Variants in ZNF44 observed in about 807,000 individuals in gnomAD.
ZNF44 encodes gonadotropin inducible transcription repressor-2.
In ZNF44, 9 loss-of-function variants were observed where a neutral mutation model predicts 11.7. The ratio of observed to expected loss-of-function variants is 0.77; its 90% CI spans 0.46 to 1.35. The LOEUF is 1.35. Among genes scored for constraint, ZNF44 ranks in the 40% most tolerant of loss-of-function variants. The probability of loss-of-function intolerance (pLI) is 0.00; values close to 1 mark genes in which losing one functional copy is unlikely to be tolerated. For synonymous variants in ZNF44, 224 were observed against 242.7 expected (o/e 0.92, Z 0.72); for missense variants, 696 against 743.1 (o/e 0.94, Z 0.74).
downstream of ZNF44, among the ~76,000 whole-genome samples, chr19:12,268,740 A>ATTT (rs34705958): frequency 7.3e-6 from 1 of 137,546 alleles, no homozygotes; most frequent in Non-Finnish European, 1.6e-5. Flanking sequence ...TGCCTGGCTA[A>ATTT]TTTTTTTTTT....
chr19:12,239,088 C>T (rs17467356), upstream of ZNF44, among the ~76,000 whole-genome samples: 1,533 of 152,260 alleles, frequency 0.01, 15 homozygotes, highest in Middle Eastern at 0.017. Context: ...CAGAAGACAA[C>T]CCAAACAAGT....
intron 5 of ZNF44, among the ~76,000 whole-genome samples, chr19:12,255,985 C>T (rs1021589483): frequency 1.5e-5 from 2 of 135,696 alleles, no homozygotes; most frequent in East Asian, 4.3e-4. Context: ...TGCAGTGAGC[C>T]GAGATCACAC....
chr19:12,227,064 AAAAC>A (rs1253252222), intron 3 of ZNF44, among the ~76,000 whole-genome samples: 3 of 152,180 alleles, frequency 2.0e-5, no homozygotes, highest in Admixed American at 2.0e-4. Context: ...CTCTGTCTTA[AAAAC>A]AAACAAACAA....
chr19:12,251,062 T>C (rs1023434744), intron 5 of ZNF44, among the ~76,000 whole-genome samples: 2 of 151,880 alleles, frequency 1.3e-5, no homozygotes, highest in African/African-American at 4.8e-5. Context: ...CCTGTCTTGG[T>C]GGCTCACACC....
At chr19:12,225,673 A>C (rs1915884652), downstream of ZNF44, among the ~76,000 whole-genome samples, 1 of 152,204 alleles carries the variant, frequency 6.6e-6, no homozygotes, top group South Asian at 2.1e-4. Context: ...CAAATAGTAG[A>C]GTGAGTAAAG....
intron 5 of ZNF44, among the ~76,000 whole-genome samples, chr19:12,251,490 A>G (rs1207825543): frequency 6.6e-6 from 1 of 152,008 alleles, no homozygotes; most frequent in Non-Finnish European, 1.5e-5. Flanking sequence ...CATTTTCACT[A>G]TTTGTGTTAA....
intron 2 of ZNF44, among the ~76,000 whole-genome samples, chr19:12,275,751 T>C (rs530155636): frequency 6.6e-6 from 1 of 152,372 alleles, no homozygotes; most frequent in South Asian, 2.1e-4. Context: ...ATATGACTGA[T>C]AAGGCTGCTG....
intron 1 of ZNF44, among the ~76,000 whole-genome samples, chr19:12,294,108 T>C (rs2145779232): frequency 6.6e-6 from 1 of 152,214 alleles, no homozygotes; most frequent in South Asian, 2.1e-4. Flanking sequence ...AAGTTCTTTC[T>C]CAGATCTTGA....
chr19:12,240,543 C>A (rs1261161044), upstream of ZNF44, among the ~76,000 whole-genome samples: 1 of 151,770 alleles, frequency 6.6e-6, no homozygotes, highest in Non-Finnish European at 1.5e-5. Flanking sequence ...CAAAGACTCA[C>A]GCTTCCTGAT....
Position 12,274,079 on chromosome 19 carries a change from A to G in ZNF44, c.192-16T>C. 1 of 1,573,814 alleles carries G rather than the reference A, an allele frequency of 6.4e-7. No individual in the cohort carries two copies. The highest frequency in any genetic ancestry group is 8.6e-7 in the Non-Finnish European group (1 of 1,158,104). ...CACATCACACCTGTAAAAAATGAAA[A>G]GTACATTACTAAAGGTTTATTATTG... is the stretch of plus-strand genomic sequence containing the variant. On this transcript the variant is annotated splice_polypyrimidine_tract_variant and intron_variant, in intron 3 of 3. Coordinates refer to ENST00000355684, the MANE Select transcript of ZNF44 (RefSeq NM_016264.4).
downstream of ZNF44, chr19:12,247,251 A>T: frequency 1.7e-6 from 2 of 1,167,886 alleles, no homozygotes; most frequent in Non-Finnish European, 2.2e-6. Flanking sequence ...AAATTGAAAA[A>T]CTTTCGATAT....
intron 1 of ZNF44, 136 bp from the exon 2 acceptor site, chr19:12,276,218 C>A: frequency 2.2e-6 from 3 of 1,349,474 alleles, no homozygotes; most frequent in Non-Finnish European, 3.1e-6. Context: ...CACTCTTATT[C>A]TGTGTCTGCA....
chr19:12,248,359 A>G (rs1045576688), exon 8 of ZNF44: 3 of 1,292,060 alleles, frequency 2.3e-6, no homozygotes, highest in Middle Eastern at 2.1e-4. Flanking sequence ...CAGGCCTTAC[A>G]TTTGTAGACT....
At chr19:12,225,762 G>A (rs185288670), downstream of ZNF44, among the ~76,000 whole-genome samples, 63 of 152,282 alleles carry the variant, frequency 4.1e-4, no homozygotes, top group Admixed American at 9.2e-4. Flanking sequence ...AGGTAGGAAC[G>A]ATAAAAGTAT....
At position 12,273,569 on chromosome 19, in the gene ZNF44, T is replaced by C. The variant is rs375147934; in HGVS notation, c.686A>G (p.Gln229Arg). The C allele has an allele frequency of 2.7e-5, 44 of 1,614,038 alleles. No individual in the cohort carries two copies. The Middle Eastern group carries it at 6.6e-4, about 24-fold the overall frequency. ...GTAAACAGGGAAGGCTTTAGAACAC[T>C]GCTTACATTCATATGGTTTCTCTCC... Reference protein sequence around the residue: ...HTGEKPYECKQCSKAFPVYSS... With the variant: ...HTGEKPYECKRCSKAFPVYSS... The change falls in exon 4 of 4, where the codon CAG becomes CGG. Residue 229 changes from glutamine (Q) to arginine (R), a missense_variant. Physicochemically the swap from Gln to Arg is conservative, Grantham distance 43 (BLOSUM62 1). Coordinates refer to ENST00000355684, the MANE Select transcript of ZNF44 (RefSeq NM_016264.4).
At chr19:12,244,430 C>T (rs1296155332), downstream of ZNF44, among the ~76,000 whole-genome samples, 1 of 152,214 alleles carries the variant, frequency 6.6e-6, no homozygotes, top group Non-Finnish European at 1.5e-5. Context: ...CCTCAACAGA[C>T]TTAATTTTGG....
rs759499874 is a variant in ZNF44 at position 12,274,008 on chromosome 19, T to C, written c.247A>G (p.Thr83Ala). ...ATACTATTTCGAATCTGGCTTAAGG[T>C]TTCTCCACACTGACTACCATCTTTA... ...KSKDGSQCGE[T>A]LSQIRNSIVN... is the part of the protein sequence containing the mutation. Residue 83 changes from threonine (T) to alanine (A), a missense_variant, in exon 4 of 4, where the codon ACC (threonine) becomes GCC (alanine). Coordinates refer to ENST00000355684, the MANE Select transcript of ZNF44 (RefSeq NM_016264.4). 3.1e-6 allele frequency: 5 copies of C among 1,613,922 alleles called. No individual in the cohort carries two copies. The East Asian group carries it at 1.1e-4, about 36-fold the overall frequency.
chr19:12,276,218 C>G (rs1468536021), intron 1 of ZNF44, 136 bp from the exon 2 acceptor site: 15 of 1,349,474 alleles, frequency 1.1e-5, no homozygotes, highest in Non-Finnish European at 1.5e-5. Flanking sequence ...CACTCTTATT[C>G]TGTGTCTGCA....
chr19:12,280,496 T>C (rs147487899), intron 1 of ZNF44, among the ~76,000 whole-genome samples: 16 of 151,952 alleles, frequency 1.1e-4, no homozygotes, highest in East Asian at 9.6e-4. Flanking sequence ...AATAAAATCA[T>C]ATAGAATGCT....
Sources: allele counts gnomAD v4.1 joint callset (sites outside exome capture counted in the v4.1 genomes callset), GRCh38; gene constraint gnomAD v4.1.1; transcripts MANE v1.5; gene names NCBI Gene and HGNC (gene_info 2026-07-23, HGNC 2026-07-21).